SPOCK1: variants seen among roughly 807,000 people sequenced by gnomAD.
SPOCK1 encodes testican-1.
In SPOCK1, 23 loss-of-function variants were observed where a neutral mutation model predicts 55.3. That is an observed-to-expected ratio of 0.42 (90% confidence interval 0.30 to 0.59). SPOCK1 has a LOEUF of 0.59. SPOCK1 is among the 20% of genes least tolerant of loss of function. SPOCK1 has a pLI of 0.22. For missense variants in SPOCK1, 499 were observed against 552.5 expected, an observed-to-expected ratio of 0.90 and a Z score of 0.97; for synonymous variants, 226 against 221.0, an observed-to-expected ratio of 1.02 and a Z score of -0.20.
At chr5:137,475,491 A>G (rs1753821035) in intron 2 of SPOCK1, among the ~76,000 whole-genome samples, 1 of 152,218 alleles carries the variant, frequency 6.6e-6, no homozygotes, top group South Asian at 2.1e-4. Context: ...TATCATTATT[A>G]TATTAATGTT....
chr5:136,992,762 A>G (rs1750973026), intron 6 of SPOCK1, 162 bp from the exon 7 acceptor site: 1 of 528,016 alleles, frequency 1.9e-6, no homozygotes, highest in East Asian at 3.2e-5. Flanking sequence ...TAGTACAAAC[A>G]AAGAGTGGGA....
At chr5:136,987,716 T>C (rs1198473323) in intron 8 of SPOCK1, among the ~76,000 whole-genome samples, 1 of 151,846 alleles carries the variant, frequency 6.6e-6, no homozygotes, top group Non-Finnish European at 1.5e-5. Context: ...ATATACCAGC[T>C]ATGCCTGTAG....
chr5:137,107,351 A>T (rs1198938814), intron 5 of SPOCK1, among the ~76,000 whole-genome samples: 1 of 152,204 alleles, frequency 6.6e-6, no homozygotes, highest in Non-Finnish European at 1.5e-5. Context: ...AAAATGCAGT[A>T]TCAAGAGTAG....
chr5:137,252,260 C>T (rs1756547407), intron 3 of SPOCK1, among the ~76,000 whole-genome samples: 1 of 152,282 alleles, frequency 6.6e-6, no homozygotes, highest in South Asian at 2.1e-4. Flanking sequence ...CTCCCATCTC[C>T]CCCCATGCTA....
chr5:137,107,893 T>G (rs896866175), intron 5 of SPOCK1, among the ~76,000 whole-genome samples: 1 of 152,216 alleles, frequency 6.6e-6, no homozygotes, highest in African/African-American at 2.4e-5. Flanking sequence ...GATTATGTAT[T>G]ATGGAGTGTG....
intron 1 of SPOCK1, among the ~76,000 whole-genome samples, chr5:137,498,969 C>T (rs2098417801): frequency 6.6e-6 from 1 of 151,800 alleles, no homozygotes; most frequent in Admixed American, 6.6e-5. Flanking sequence ...CAGCAGCACC[C>T]GAGCTCCGGC....
Position 136,978,536 on chromosome 5 carries a change from G to T in SPOCK1, c.*118C>A. The T allele has an allele frequency of 2.7e-6, 3 of 1,115,136 alleles. No homozygotes were observed. Among genetic ancestry groups the T allele is most frequent in the Non-Finnish European group, 2.5e-6 (2 of 787,090 alleles). 69.1% of individuals were successfully genotyped at this position (1,115,136 alleles called of 1,614,324 possible). On this transcript the variant is annotated 3_prime_UTR_variant, in exon 11 of 11. Transcript: ENST00000394945. ...CAGTTGTCTTCCAAACCTTAGGTCG[G>T]GTATAGAGAGCAACAATGGAGAAGA...
chr5:137,160,624 T>TATATAATATACAATATATTA, intron 3 of SPOCK1, among the ~76,000 whole-genome samples: 1 of 69,338 alleles, frequency 1.4e-5, no homozygotes, highest in East Asian at 6.1e-4. Context: ...AATATATATT[T>TATATAATATACAATATATTA]TATATAATAT....
chr5:137,297,071 A>C (rs1757503608), intron 2 of SPOCK1, among the ~76,000 whole-genome samples: 1 of 152,252 alleles, frequency 6.6e-6, no homozygotes, highest in Non-Finnish European at 1.5e-5. Flanking sequence ...GTATATAAAC[A>C]TAATATGTAT....
intron 3 of SPOCK1, among the ~76,000 whole-genome samples, chr5:137,200,516 G>A (rs1188900856): frequency 6.6e-6 from 1 of 152,192 alleles, no homozygotes; most frequent in Non-Finnish European, 1.5e-5. Flanking sequence ...CTCCAGAAAG[G>A]CAGGCATTCC....
chr5:137,419,422 C>T (rs1291051197), intron 2 of SPOCK1, among the ~76,000 whole-genome samples: 3 of 152,258 alleles, frequency 2.0e-5, no homozygotes, highest in East Asian at 1.9e-4. Context: ...ATTGATTCTT[C>T]CTACCCATGA....
At chr5:137,414,606 C>T (rs534494105) in intron 2 of SPOCK1, among the ~76,000 whole-genome samples, 1 of 152,216 alleles carries the variant, frequency 6.6e-6, no homozygotes, top group East Asian at 1.9e-4. Context: ...ATTGAAAATA[C>T]CCTTCTGGTC....
intron 6 of SPOCK1, among the ~76,000 whole-genome samples, chr5:137,035,131 T>C (rs1477637511): frequency 6.6e-6 from 1 of 152,186 alleles, no homozygotes; most frequent in Non-Finnish European, 1.5e-5. Context: ...GCACCTGAAT[T>C]TAAATCAGGC....
chr5:137,477,181 T>C (rs1753852837), intron 2 of SPOCK1, among the ~76,000 whole-genome samples: 2 of 152,092 alleles, frequency 1.3e-5, no homozygotes, highest in Non-Finnish European at 2.9e-5. Flanking sequence ...CAGAAAGATG[T>C]TTATGTAGCA....
chr5:137,269,071 TA>T (rs1420913183), intron 2 of SPOCK1, among the ~76,000 whole-genome samples: 1 of 135,538 alleles, frequency 7.4e-6, no homozygotes, highest in Admixed American at 7.5e-5. Context: ...TTTTTCAGGT[TA>T]ACTATAATTA....
At chr5:137,330,903 C>G (rs1270567404) in intron 2 of SPOCK1, among the ~76,000 whole-genome samples, 1 of 152,224 alleles carries the variant, frequency 6.6e-6, no homozygotes, top group Non-Finnish European at 1.5e-5. Flanking sequence ...AAGTACTATG[C>G]ACATTATACG....
chr5:137,411,035 C>T (rs1752199625), intron 2 of SPOCK1, among the ~76,000 whole-genome samples: 1 of 152,190 alleles, frequency 6.6e-6, no homozygotes, highest in Non-Finnish European at 1.5e-5. Flanking sequence ...GGACCAGTGG[C>T]ATCATGGGTT....
At chr5:137,115,812 G>A (rs572572758) in intron 4 of SPOCK1, among the ~76,000 whole-genome samples, 17 of 152,242 alleles carry the variant, frequency 1.1e-4, no homozygotes, top group African/African-American at 4.1e-4. Flanking sequence ...TGAGCCCAGG[G>A]AAGCATAACT....
chr5:137,077,171 G>A (rs1221836055), intron 5 of SPOCK1, among the ~76,000 whole-genome samples: 5 of 152,298 alleles, frequency 3.3e-5, no homozygotes, highest in South Asian at 4.1e-4. Flanking sequence ...TGATCCACCC[G>A]CCTCGTCCTC....
Sources: gnomAD v4.1 joint callset for allele counts (sites outside exome capture counted in the v4.1 genomes callset) on GRCh38, gnomAD v4.1.1 for gene constraint, MANE v1.5 for transcripts, NCBI Gene and HGNC (gene_info 2026-07-23, HGNC 2026-07-21) for gene names.